EGFLAM: variants seen among roughly 807,000 people sequenced by gnomAD.
EGFLAM encodes pikachurin.
A neutral mutation model predicts 113.1 loss-of-function variants in EGFLAM; 79 were observed. The ratio of observed to expected loss-of-function variants is 0.70; its 90% CI spans 0.58 to 0.84. EGFLAM has a LOEUF of 0.84. Ranked by LOEUF, EGFLAM falls within the 40% of genes least tolerant of loss-of-function variation. EGFLAM has a pLI of 0.00. For synonymous variants in EGFLAM, 504 were observed against 487.6 expected (o/e 1.03, Z -0.44); for missense variants, 1,265 against 1,291.6 (o/e 0.98, Z 0.32).
intron 4 of EGFLAM, 57 bp from the exon 5 acceptor site, chr5:38,352,139 C>T: frequency 6.2e-7 from 1 of 1,610,018 alleles, no homozygotes; most frequent in South Asian, 1.1e-5. Context: ...GCCCATTAAA[C>T]CTCTCCAACG....
At chr5:38,413,894 G>T (rs181176667) in intron 11 of EGFLAM, among the ~76,000 whole-genome samples, 24 of 152,320 alleles carry the variant, frequency 1.6e-4, no homozygotes, top group South Asian at 1.0e-3. Flanking sequence ...CAGAAGGAGC[G>T]TGTAACCTGG....
chr5:38,356,879 G>C (rs1002311125), intron 5 of EGFLAM, among the ~76,000 whole-genome samples: 5 of 152,164 alleles, frequency 3.3e-5, no homozygotes, highest in Non-Finnish European at 5.9e-5. Context: ...CAATGTTTAT[G>C]TCCTCCACAA....
chr5:38,449,025 G>T (rs1386478057), intron 18 of EGFLAM, among the ~76,000 whole-genome samples: 1 of 152,180 alleles, frequency 6.6e-6, no homozygotes, highest in Non-Finnish European at 1.5e-5. Flanking sequence ...CCTCGCTCTT[G>T]GTTTGGAATA....
At chr5:38,265,847 T>C in intron 1 of EGFLAM, among the ~76,000 whole-genome samples, 1 of 152,234 alleles carries the variant, frequency 6.6e-6, no homozygotes, top group South Asian at 2.1e-4. Flanking sequence ...CACCTGCCTT[T>C]TTAAACAAGA....
intron 17 of EGFLAM, chr5:38,445,507 C>G (rs1402372833): frequency 6.7e-7 from 1 of 1,502,890 alleles, no homozygotes; most frequent in Non-Finnish European, 8.9e-7. Context: ...TCCAGTGGTT[C>G]CCCGCGGGGC....
chr5:38,435,038 C>A lies in EGFLAM; in HGVS notation c.2167-99C>A, dbSNP rs1742299357. ...GTCATGATGGGTCTCTAGGCTCTGTCTACCATTTTGTTCCCCAACAGGGAA... is the reference window on the plus strand; with the variant it reads ...GTCATGATGGGTCTCTAGGCTCTGTATACCATTTTGTTCCCCAACAGGGAA... On this transcript the variant is annotated intron_variant, in intron 15 of 21. Coordinates refer to ENST00000322350, the MANE Select transcript of EGFLAM (RefSeq NM_152403.4). 8.3e-6 allele frequency: 8 copies of A among 962,826 alleles called. No individual in the cohort carries two copies. The South Asian group carries it at 1.1e-4, about 14-fold the overall frequency. The allele number at this position is 962,826 out of a possible 1,614,324, so 59.6% of individuals were successfully genotyped here. A position where few individuals can be genotyped will look rare whatever the true frequency, so the allele number is the denominator to read the frequency against.
chr5:38,417,810 C>CTCCCT (rs1451442958), intron 11 of EGFLAM, among the ~76,000 whole-genome samples: 6 of 151,832 alleles, frequency 4.0e-5, no homozygotes, highest in Non-Finnish European at 5.9e-5. Flanking sequence ...TGTCTCTGAC[C>CTCCCT]TCCCTTCCCT....
chr5:38,305,909 GCTT>G (rs1448635019), intron 1 of EGFLAM, among the ~76,000 whole-genome samples: 1 of 152,170 alleles, frequency 6.6e-6, no homozygotes, highest in Non-Finnish European at 1.5e-5. Context: ...CTTGGTAGAG[GCTT>G]CTTCTGTGTA....
chr5:38,442,622 T>C (rs1394170486), intron 17 of EGFLAM, among the ~76,000 whole-genome samples: 1 of 152,122 alleles, frequency 6.6e-6, no homozygotes, highest in Admixed American at 6.6e-5. Flanking sequence ...ATACCCAGAC[T>C]CTTTTCGCTG....
chr5:38,439,590 G>C (rs1398499193), intron 17 of EGFLAM, among the ~76,000 whole-genome samples: 4 of 152,172 alleles, frequency 2.6e-5, no homozygotes, highest in African/African-American at 9.7e-5. Flanking sequence ...AAATATGAAA[G>C]ATGCCAATTT....
In EGFLAM at chr5:38,455,323, C is replaced by T. The variant is rs1023873844; in HGVS notation, c.2688-2988C>T. Among the ~76,000 whole-genome samples the T allele has an allele frequency of 2.6e-5, 4 of 152,210 alleles. No individual in the cohort carries two copies. In the East Asian group the frequency reaches 7.7e-4, roughly 29 times the overall value. ...CACCAAGCTGAGTGGCTCAGAATAA[C>T]CCATCATGGCAACCAGGTTCCCAAG... On this transcript the variant is annotated intron_variant, in intron 19 of 21. Transcript: ENST00000322350.
At chr5:38,271,540 T>C (rs1561256836) in intron 1 of EGFLAM, among the ~76,000 whole-genome samples, 1 of 152,342 alleles carries the variant, frequency 6.6e-6, no homozygotes, top group South Asian at 2.1e-4. Context: ...GGATAGATTA[T>C]TTGCTATTCC....
chr5:38,346,934 C>T (rs1444943296), intron 3 of EGFLAM, among the ~76,000 whole-genome samples: 1 of 146,002 alleles, frequency 6.8e-6, no homozygotes, highest in Non-Finnish European at 1.5e-5. Context: ...AGCAAAGGCC[C>T]CTTGTGAAGC....
chr5:38,274,406 A>T (rs187755955), intron 1 of EGFLAM, among the ~76,000 whole-genome samples: 2 of 152,322 alleles, frequency 1.3e-5, no homozygotes, highest in East Asian at 1.9e-4. Context: ...ACATATTATA[A>T]TCGAACTGTC....
chr5:38,286,781 G>T (rs1758173329), intron 1 of EGFLAM, among the ~76,000 whole-genome samples: 1 of 152,206 alleles, frequency 6.6e-6, no homozygotes, highest in African/African-American at 2.4e-5. Flanking sequence ...AGTTTACACA[G>T]ATTATAAAAT....
At chr5:38,310,532 A>G (rs1373216208) in intron 1 of EGFLAM, among the ~76,000 whole-genome samples, 2 of 151,890 alleles carry the variant, frequency 1.3e-5, no homozygotes, top group East Asian at 3.9e-4. Flanking sequence ...CTTCTGTACA[A>G]TTTCCTTTCT....
rs12518553 is a variant in EGFLAM, at chr5:38,356,385, A to T, written c.545+4054A>T. 5.3e-5 allele frequency among the ~76,000 whole-genome samples: 8 copies of T among 152,242 alleles called. No homozygotes were observed. In the East Asian group the frequency reaches 1.4e-3, roughly 26 times the overall value. ...GAGCTCTTGCTCATACTCCTCATAA[A>T]GTATCTATACACGTAGACACTCAGC... On this transcript the variant is annotated intron_variant, in intron 5 of 21. Transcript: ENST00000322350.
At chr5:38,261,395 GATTT>G (rs970962028) in intron 1 of EGFLAM, among the ~76,000 whole-genome samples, 1 of 152,200 alleles carries the variant, frequency 6.6e-6, no homozygotes, top group African/African-American at 2.4e-5. Flanking sequence ...GATGCACAGT[GATTT>G]ATTTAATCAA....
chr5:38,352,480 C>T (rs1739655262), intron 5 of EGFLAM, 149 bp downstream of exon 5: 2 of 1,049,860 alleles, frequency 1.9e-6, no homozygotes, highest in Admixed American at 4.9e-5. Context: ...AACCCCGTCT[C>T]TACTAAAAAT....
Sources: allele counts gnomAD v4.1 joint callset (sites outside exome capture counted in the v4.1 genomes callset), GRCh38; gene constraint gnomAD v4.1.1; transcripts MANE v1.5; gene names NCBI Gene and HGNC (gene_info 2026-07-23, HGNC 2026-07-21).